RNF130: variants seen among roughly 807,000 people sequenced by gnomAD.
RNF130 encodes E3 ubiquitin-protein ligase RNF130.
In RNF130, 21 loss-of-function variants were observed where a neutral mutation model predicts 44.6. The ratio of observed to expected loss-of-function variants is 0.47; its 90% CI spans 0.33 to 0.68. RNF130 has a LOEUF of 0.68. Ranked by LOEUF, RNF130 falls within the 30% of genes least tolerant of loss-of-function variation. The pLI is 0.02. For synonymous variants in RNF130, 214 were observed against 210.4 expected (o/e 1.02, Z -0.15); for missense variants, 479 against 560.6 (o/e 0.85, Z 1.47).
intron 1 of RNF130, among the ~76,000 whole-genome samples, chr5:180,069,897 G>A (rs937812868): frequency 1.3e-5 from 2 of 152,170 alleles, no homozygotes; most frequent in Non-Finnish European, 2.9e-5. Flanking sequence ...CAAAGACGGG[G>A]CTTTTGTTTG....
rs1457387628 is a variant in RNF130 at position 179,949,018 on chromosome 5, T to C, written c.1150+17788A>G. 3.4e-5 allele frequency among the ~76,000 whole-genome samples: 5 copies of C among 148,956 alleles called. No individual in the cohort carries two copies. In the East Asian group the frequency reaches 1.0e-3, roughly 30 times the overall value. ...TCTCGCTCTGTCACCCAGGCTGGAA[T>C]GCAACGGTACCATCTCAGCTCACTG... On this transcript the variant is annotated intron_variant, in intron 7 of 7. Coordinates refer to the RNF130 transcript ENST00000522208.
At chr5:180,012,942 C>T (rs1763625410) in intron 3 of RNF130, 119 bp downstream of exon 3, 5 of 1,158,652 alleles carry the variant, frequency 4.3e-6, no homozygotes, top group South Asian at 3.1e-5. Context: ...ATTAAAATGA[C>T]TGAGTGAGGG....
intron 6 of RNF130, 26 bp from the exon 7 acceptor site, chr5:179,967,036 TA>T (rs1561672750): frequency 6.3e-7 from 1 of 1,585,394 alleles, no homozygotes; most frequent in Non-Finnish European, 8.6e-7. Context: ...AGGTTAAAAA[TA>T]ATTGTAAGGA....
chr5:179,931,638 G>A (rs1761809779), intron 7 of RNF130, among the ~76,000 whole-genome samples: 1 of 152,072 alleles, frequency 6.6e-6, no homozygotes, highest in Admixed American at 6.5e-5. Context: ...GCGTGGTGGT[G>A]CCTGCCTGTA....
intron 8 of RNF130, among the ~76,000 whole-genome samples, chr5:179,962,270 G>A (rs1026914804): frequency 6.6e-6 from 1 of 152,168 alleles, no homozygotes; most frequent in Non-Finnish European, 1.5e-5. Context: ...AGATGCCAGG[G>A]GGCACTTCTT....
intron 2 of RNF130, among the ~76,000 whole-genome samples, chr5:180,033,651 G>T (rs1451957634): frequency 6.6e-6 from 1 of 151,406 alleles, no homozygotes; most frequent in Non-Finnish European, 1.5e-5. Flanking sequence ...AGCCAAGGTC[G>T]TACCACTGCA....
intron 3 of RNF130, among the ~76,000 whole-genome samples, chr5:179,989,063 T>C (rs1763017914): frequency 6.6e-6 from 1 of 152,212 alleles, no homozygotes; most frequent in African/African-American, 2.4e-5. Flanking sequence ...CAGTTCCGCA[T>C]GGCTAAGAAG....
intron 4 of RNF130, among the ~76,000 whole-genome samples, chr5:179,979,825 CAA>C (rs554384719): frequency 2.4e-4 from 36 of 152,234 alleles, no homozygotes; most frequent in Non-Finnish European, 5.0e-4. Flanking sequence ...AATAAAACAA[CAA>C]AAGAGACATA....
intron 7 of RNF130, among the ~76,000 whole-genome samples, chr5:179,925,753 A>C (rs568587795): frequency 7.6e-4 from 115 of 152,220 alleles, no homozygotes; most frequent in African/African-American, 2.7e-3. Flanking sequence ...GGCTGGTTTC[A>C]AATCCCTGGG....
At chr5:180,048,831 G>C (rs1370552357) in intron 1 of RNF130, among the ~76,000 whole-genome samples, 1 of 152,126 alleles carries the variant, frequency 6.6e-6, no homozygotes, top group African/African-American at 2.4e-5. Flanking sequence ...AAGTCACACA[G>C]CTCCCTGTTC....
At chr5:180,061,713 C>A (rs931003222) in intron 1 of RNF130, among the ~76,000 whole-genome samples, 2 of 152,150 alleles carry the variant, frequency 1.3e-5, no homozygotes, top group Non-Finnish European at 2.9e-5. Flanking sequence ...TTAGGGCCCA[C>A]AGTAAACTGA....
chr5:180,024,924 AG>A (rs1763953750), intron 2 of RNF130, among the ~76,000 whole-genome samples: 1 of 152,118 alleles, frequency 6.6e-6, no homozygotes, highest in Non-Finnish European at 1.5e-5. Flanking sequence ...GCCCTGTGGG[AG>A]GGGTCTCCAT....
chr5:180,025,811 T>C (rs1028632419), intron 2 of RNF130, among the ~76,000 whole-genome samples: 3 of 152,218 alleles, frequency 2.0e-5, no homozygotes, highest in Non-Finnish European at 4.4e-5. Context: ...TAAAAAACTT[T>C]AAACGGTAAA....
intron 3 of RNF130, among the ~76,000 whole-genome samples, chr5:179,988,283 T>C (rs1762999540): frequency 6.6e-6 from 1 of 152,234 alleles, no homozygotes; most frequent in African/African-American, 2.4e-5. Flanking sequence ...TCAGTTGTAA[T>C]GTCTCCTTTT....
At chr5:180,070,625 A>G (rs1241084640) in intron 1 of RNF130, among the ~76,000 whole-genome samples, 2 of 152,246 alleles carry the variant, frequency 1.3e-5, no homozygotes, top group African/African-American at 2.4e-5. Flanking sequence ...GATATCTCCC[A>G]AAAGTTCAGC....
intron 7 of RNF130, chr5:179,920,474 G>A: frequency 1.4e-6 from 1 of 693,468 alleles, no homozygotes; most frequent in Non-Finnish European, 2.6e-6. Context: ...CCAGGCTTGT[G>A]TTTCTCACAT....
At chr5:179,962,085 G>C (rs1187255903) in intron 8 of RNF130, among the ~76,000 whole-genome samples, 1 of 152,212 alleles carries the variant, frequency 6.6e-6, no homozygotes, top group Non-Finnish European at 1.5e-5. Flanking sequence ...GTCAAATCCA[G>C]GTGTGTGTGA....
At position 180,068,358 on chromosome 5, in the gene RNF130, T is replaced by C. The variant is rs555959249; in HGVS notation, c.247+3098A>G. Among the ~76,000 whole-genome samples, 14 of 152,366 alleles carry C rather than the reference T, an allele frequency of 9.2e-5. No homozygotes were observed. In the East Asian group the frequency reaches 2.3e-3, roughly 25 times the overall value. ...GTGATCTGTGCATAAATACAAGACA[T>C]GTTCCTTCAAAACTCCGTTTCTAAA... is the stretch of plus-strand genomic sequence containing the variant. On this transcript the variant is annotated intron_variant, in intron 1 of 8. Transcript: ENST00000521389.
At chr5:180,014,430 G>C (rs962386559) in intron 2 of RNF130, among the ~76,000 whole-genome samples, 1 of 152,096 alleles carries the variant, frequency 6.6e-6, no homozygotes, top group Admixed American at 6.6e-5. Context: ...GAGAGACTAG[G>C]GGTCATTAGA....
Sources: allele counts gnomAD v4.1 joint callset (sites outside exome capture counted in the v4.1 genomes callset), GRCh38; gene constraint gnomAD v4.1.1; transcripts MANE v1.5; gene names NCBI Gene and HGNC (gene_info 2026-07-23, HGNC 2026-07-21).